DLG2: variants seen among roughly 807,000 people sequenced by gnomAD.
DLG2 encodes the protein disks large homolog 2.
In DLG2, 45 loss-of-function variants were observed where a neutral mutation model predicts 132.5. The ratio of observed to expected loss-of-function variants is 0.34; its 90% confidence interval spans 0.27 to 0.44. The LOEUF (loss-of-function observed/expected upper bound fraction) is 0.44, where lower values mean the gene tolerates loss of function less well. Among genes scored for constraint, DLG2 ranks in the 20% least tolerant of loss-of-function variants. The pLI is 1.00. For missense variants in DLG2, 1,045 were observed against 1,196.9 expected (o/e 0.87, Z 1.87); for synonymous variants, 424 against 419.6 (o/e 1.01, Z -0.13).
At chr11:83,792,597 T>A (rs1300126066) in intron 17 of DLG2, among the ~76,000 whole-genome samples, 4 of 152,070 alleles carry the variant, frequency 2.6e-5, no homozygotes, top group Non-Finnish European at 4.4e-5. Context: ...ACAAATAAGA[T>A]CATGTTCTAC....
At chr11:84,490,397 C>T (rs929979394) in intron 7 of DLG2, among the ~76,000 whole-genome samples, 1 of 152,046 alleles carries the variant, frequency 6.6e-6, no homozygotes, top group Non-Finnish European at 1.5e-5. Flanking sequence ...CTTCTAAATT[C>T]CATTATTGTA....
chr11:83,567,417 C>G (rs549732398), intron 19 of DLG2, among the ~76,000 whole-genome samples: 1 of 152,178 alleles, frequency 6.6e-6, no homozygotes, highest in South Asian at 2.1e-4. Flanking sequence ...TTTGCCTCTA[C>G]CATGTACTCA....
intron 6 of DLG2, among the ~76,000 whole-genome samples, chr11:85,023,538 ATATT>A (rs1023747661): frequency 1.4e-4 from 21 of 147,824 alleles, no homozygotes; most frequent in African/African-American, 5.1e-4. Context: ...ATTAATATAA[ATATT>A]TAGAGCACAA....
intron 6 of DLG2, among the ~76,000 whole-genome samples, chr11:84,992,351 T>C (rs942513526): frequency 6.6e-5 from 10 of 152,228 alleles, no homozygotes; most frequent in Admixed American, 2.0e-4. Flanking sequence ...TTGACAAATA[T>C]GTTCCCAGAT....
intron 8 of DLG2, among the ~76,000 whole-genome samples, chr11:84,208,341 CT>C (rs775828270): frequency 0.028 from 3,463 of 122,744 alleles, 109 homozygotes; most frequent in African/African-American, 0.097. Context: ...TCAGAATAAA[CT>C]TTTTTTTTTT....
intron 6 of DLG2, among the ~76,000 whole-genome samples, chr11:84,582,488 A>C (rs1256205920): frequency 6.7e-6 from 1 of 148,704 alleles, no homozygotes; most frequent in African/African-American, 2.4e-5. Context: ...TATATAATAA[A>C]CATACATACA....
chr11:83,624,964 A>G (rs1566112794), intron 19 of DLG2, among the ~76,000 whole-genome samples: 1 of 152,090 alleles, frequency 6.6e-6, no homozygotes, highest in African/African-American at 2.4e-5. Flanking sequence ...CTTTGCCCCC[A>G]CTAAGTTTTT....
intron 3 of DLG2, among the ~76,000 whole-genome samples, chr11:85,355,481 A>T (rs2083622183): frequency 6.6e-6 from 1 of 152,100 alleles, no homozygotes; most frequent in Non-Finnish European, 1.5e-5. Context: ...CTAAATTTTG[A>T]TTAGTCAGTT....
chr11:84,407,766 C>G (rs1046642621), intron 7 of DLG2, among the ~76,000 whole-genome samples: 1 of 152,184 alleles, frequency 6.6e-6, no homozygotes, highest in African/African-American at 2.4e-5. Context: ...GGTAAAGTGA[C>G]TTTTTCAAGG....
intron 15 of DLG2, among the ~76,000 whole-genome samples, chr11:83,881,027 A>C (rs1001027452): frequency 9.1e-5 from 11 of 121,066 alleles, no homozygotes; most frequent in African/African-American, 3.6e-4. Flanking sequence ...CAAAAGTAAT[A>C]GTGGTTTTTT....
At chr11:84,757,722 GA>G (rs58552393) in intron 6 of DLG2, among the ~76,000 whole-genome samples, 17,066 of 152,076 alleles carry the variant, frequency 0.11, 2,672 homozygotes, top group African/African-American at 0.35. Flanking sequence ...TAAAGCCCAG[GA>G]AGACACAAAT....
At chr11:85,000,877 A>G (rs2154130523) in intron 6 of DLG2, among the ~76,000 whole-genome samples, 1 of 152,240 alleles carries the variant, frequency 6.6e-6, no homozygotes, top group African/African-American at 2.4e-5. Flanking sequence ...CATCATTGTT[A>G]CAAAGACTAT....
chr11:83,792,380 A>G (rs1367672495), intron 17 of DLG2, among the ~76,000 whole-genome samples: 1 of 152,194 alleles, frequency 6.6e-6, no homozygotes, highest in Non-Finnish European at 1.5e-5. Context: ...CAGATAGTGT[A>G]CTGATATGAA....
chr11:84,672,658 G>GAC (rs1462449149), intron 6 of DLG2, among the ~76,000 whole-genome samples: 1 of 152,076 alleles, frequency 6.6e-6, no homozygotes, highest in African/African-American at 2.4e-5. Context: ...AATGGAGACA[G>GAC]ACACCTGAGG....
At chr11:83,592,328 A>G (rs1398576842) in intron 19 of DLG2, among the ~76,000 whole-genome samples, 3 of 147,118 alleles carry the variant, frequency 2.0e-5, no homozygotes, top group Non-Finnish European at 4.5e-5. Context: ...GAGCCCTGAG[A>G]AATAACACCG....
chr11:85,406,144 A>C (rs964258933), intron 3 of DLG2, among the ~76,000 whole-genome samples: 1 of 151,942 alleles, frequency 6.6e-6, no homozygotes, highest in South Asian at 2.1e-4. Context: ...GATGGATATC[A>C]AACATTGGAC....
At chr11:85,491,152 C>T (rs928749848) in intron 3 of DLG2, among the ~76,000 whole-genome samples, 5 of 151,824 alleles carry the variant, frequency 3.3e-5, no homozygotes, top group Non-Finnish European at 7.4e-5. Context: ...CTTATATAAA[C>T]AGAATAAAGG....
Position 85,586,547 on chromosome 11 carries a change from G to A in DLG2, c.40+12110C>T, listed in dbSNP as rs2153230857. Among the ~76,000 whole-genome samples the A allele has an allele frequency of 2.0e-5, 3 of 152,226 alleles. No individual in the cohort carries two copies. In the South Asian group the frequency reaches 6.2e-4, roughly 32 times the overall value. ...CTTTTGTATTTCCGTGGTATCAGTT[G>A]TAATAGCTCCCATTTCGTTTCTAAT... On this transcript the variant is annotated intron_variant, in intron 3 of 27. Transcript: ENST00000376104.
chr11:85,167,623 C>A (rs567199804), intron 4 of DLG2, among the ~76,000 whole-genome samples: 5 of 152,208 alleles, frequency 3.3e-5, no homozygotes, highest in African/African-American at 1.2e-4. Flanking sequence ...TAGTTTATTA[C>A]CATTAGATCA....
Sources: gnomAD v4.1 joint callset for allele counts (sites outside exome capture counted in the v4.1 genomes callset) on GRCh38, gnomAD v4.1.1 for gene constraint, MANE v1.5 for transcripts, NCBI Gene and HGNC (gene_info 2026-07-23, HGNC 2026-07-21) for gene names.